RAB3B: variants seen among roughly 807,000 people sequenced by gnomAD.
The protein encoded by RAB3B is ras-related protein Rab-3B.
In RAB3B, 11 loss-of-function variants were observed where a neutral mutation model predicts 20.5. The observed-to-expected ratio is 0.54, with a 90% CI of 0.34 to 0.89. The LOEUF is 0.89. Ranked by LOEUF, RAB3B falls within the 40% of genes least tolerant of loss-of-function variation. The pLI is 0.02. For missense variants in RAB3B, 225 were observed against 280.9 expected (o/e 0.80, Z 1.42); for synonymous variants, 99 against 106.3 (o/e 0.93, Z 0.42).
intron 1 of RAB3B, among the ~76,000 whole-genome samples, chr1:51,989,208 TTGTGTGTGTGTGTG>T (rs60661761): frequency 1.9e-4 from 19 of 99,866 alleles, no homozygotes; most frequent in South Asian, 4.0e-4. Flanking sequence ...CCATCTTGTT[TTGTGTGTGTGTGTG>T]TGTGTGTGTG....
chr1:51,957,915 G>A (rs1057481165), intron 2 of RAB3B, among the ~76,000 whole-genome samples: 1 of 152,204 alleles, frequency 6.6e-6, no homozygotes, highest in Non-Finnish European at 1.5e-5. Context: ...CACACCGGTG[G>A]GGGAGGCCGG....
rs1490146464 is a variant in RAB3B at position 51,916,218 on chromosome 1, G to A, written c.*3709C>T. ...GAGCTGCCATCTCACAAGCAGGTCT[G>A]GTTGTCTGTTGCCCAGTAGACAAGC... On this transcript the variant is annotated 3_prime_UTR_variant, in exon 5 of 5. Transcript: ENST00000371655. 1 of 152,200 alleles carries A rather than the reference G, an allele frequency of 6.6e-6. No homozygotes were observed. The highest frequency in any genetic ancestry group is 1.5e-5 in the Non-Finnish European group (1 of 68,034). The allele number at this position is 152,200 out of a possible 1,614,324, so 9.4% of individuals were successfully genotyped here.
At chr1:51,950,982 A>G (rs895841780) in intron 2 of RAB3B, among the ~76,000 whole-genome samples, 2 of 152,168 alleles carry the variant, frequency 1.3e-5, no homozygotes, top group Non-Finnish European at 2.9e-5. Context: ...CAGAGGACTG[A>G]AAGTGGTAAA....
intron 3 of RAB3B, 75 bp downstream of exon 3, chr1:51,937,219 A>G: frequency 8.4e-7 from 1 of 1,190,302 alleles, no homozygotes; most frequent in Non-Finnish European, 1.2e-6. Context: ...TCCCCAGCAC[A>G]CAATACAGGA....
intron 2 of RAB3B, among the ~76,000 whole-genome samples, chr1:51,944,052 C>T (rs2124266413): frequency 6.6e-6 from 1 of 152,314 alleles, no homozygotes; most frequent in East Asian, 1.9e-4. Context: ...AAGTCAATGC[C>T]TGACTTCAAA....
At chr1:51,988,978 A>G (rs912084841) in intron 1 of RAB3B, among the ~76,000 whole-genome samples, 3 of 151,280 alleles carry the variant, frequency 2.0e-5, no homozygotes, top group African/African-American at 2.4e-5. Context: ...CTCCCCCAAA[A>G]TGCTTCTTCT....
intron 2 of RAB3B, among the ~76,000 whole-genome samples, chr1:51,940,135 GTC>G (rs1267234148): frequency 1.3e-5 from 2 of 152,152 alleles, no homozygotes; most frequent in African/African-American, 4.8e-5. Context: ...GAACTAATCT[GTC>G]TCTCTCCTGC....
intron 1 of RAB3B, among the ~76,000 whole-genome samples, chr1:51,977,925 C>T (rs1383748987): frequency 1.3e-5 from 2 of 152,204 alleles, no homozygotes; most frequent in Non-Finnish European, 2.9e-5. Flanking sequence ...TAAACTTTAT[C>T]TTCCCATACC....
chr1:51,976,944 G>A lies in RAB3B; in HGVS notation c.174C>T (p.Asp58=), dbSNP rs1330235842. The change falls in exon 2 of 5, where the codon GAC becomes GAT. Residue 58 remains aspartate, a synonymous_variant. Coordinates refer to ENST00000371655, the MANE Select transcript of RAB3B (RefSeq NM_002867.4). ...TPAFVSTVGI[D]FKVKTVYRHE... is the part of the protein sequence containing the mutation. ...GACGGTAGACTGTCTTCACCTTGAA[G>A]TCGATGCCCACGGTGCTAACGAAGG... is the stretch of plus-strand genomic sequence containing the variant. The A allele has an allele frequency of 1.9e-6, 3 of 1,614,250 alleles. No individual in the cohort carries two copies. The highest frequency in any genetic ancestry group is 1.1e-5 in the South Asian group (1 of 91,086).
intron 2 of RAB3B, among the ~76,000 whole-genome samples, chr1:51,975,008 G>A (rs1253619243): frequency 1.3e-5 from 2 of 152,196 alleles, no homozygotes; most frequent in African/African-American, 4.8e-5. Context: ...GAGGTCAGGA[G>A]TTCAAGATCA....
At chr1:51,923,193 G>C (rs1288719045) in intron 4 of RAB3B, among the ~76,000 whole-genome samples, 1 of 152,208 alleles carries the variant, frequency 6.6e-6, no homozygotes, top group Non-Finnish European at 1.5e-5. Flanking sequence ...GCAAGGGTTA[G>C]CACTTGTAAT....
chr1:51,978,130 A>G (rs980810482), intron 1 of RAB3B, among the ~76,000 whole-genome samples: 6 of 152,204 alleles, frequency 3.9e-5, no homozygotes, highest in Non-Finnish European at 7.4e-5. Flanking sequence ...GAACACTGTA[A>G]CAGCCCTTGT....
At chr1:51,944,762 T>G (rs191825775) in intron 2 of RAB3B, among the ~76,000 whole-genome samples, 1 of 152,202 alleles carries the variant, frequency 6.6e-6, no homozygotes, top group Non-Finnish European at 1.5e-5. Flanking sequence ...TTCTTACAGA[T>G]GAGCGAAGAA....
Position 51,980,759 on chromosome 1 carries a change from C to A in RAB3B, c.1-3642G>T, listed in dbSNP as rs1018296790. ...TCTCATGAAGCCCGCAAGGACCAAACACCCCCACCCTGATTTAGACCTGTA... is the reference window on the plus strand; with the variant it reads ...TCTCATGAAGCCCGCAAGGACCAAAAACCCCCACCCTGATTTAGACCTGTA... On this transcript the variant is annotated intron_variant, in intron 1 of 4. Coordinates refer to ENST00000371655, the MANE Select transcript of RAB3B (RefSeq NM_002867.4). 4.0e-6 allele frequency: 3 copies of A among 754,632 alleles called. No individual in the cohort carries two copies. The Admixed American group carries it at 5.1e-5, about 13-fold the overall frequency. 46.7% of individuals were successfully genotyped at this position (754,632 alleles called of 1,614,324 possible).
At chr1:51,971,554 T>G (rs1242015349) in intron 2 of RAB3B, among the ~76,000 whole-genome samples, 1 of 151,438 alleles carries the variant, frequency 6.6e-6, no homozygotes, top group East Asian at 2.0e-4. Context: ...TGCATCACCC[T>G]CCTGAGTATC....
chr1:51,953,857 G>A (rs541449863), intron 2 of RAB3B, among the ~76,000 whole-genome samples: 48 of 152,238 alleles, frequency 3.2e-4, no homozygotes, highest in African/African-American at 1.1e-3. Flanking sequence ...TGATTTATTC[G>A]ATAAATAATC....
At chr1:51,983,592 T>C (rs539565549) in intron 1 of RAB3B, among the ~76,000 whole-genome samples, 59 of 152,250 alleles carry the variant, frequency 3.9e-4, no homozygotes, top group African/African-American at 1.3e-3. Context: ...TCAGAACATA[T>C]CCTTGTCATT....
intron 1 of RAB3B, among the ~76,000 whole-genome samples, chr1:51,985,666 A>G (rs1041911170): frequency 3.3e-5 from 5 of 152,180 alleles, no homozygotes; most frequent in African/African-American, 7.2e-5. Flanking sequence ...ATTTTAAATA[A>G]GAGAACGTAT....
intron 4 of RAB3B, among the ~76,000 whole-genome samples, chr1:51,927,671 C>T (rs1487673015): frequency 6.6e-6 from 1 of 152,150 alleles, no homozygotes; most frequent in South Asian, 2.1e-4. Context: ...GTGGTGCATG[C>T]CTGTAATCCC....
Sources: allele counts gnomAD v4.1 joint callset (sites outside exome capture counted in the v4.1 genomes callset), GRCh38; gene constraint gnomAD v4.1.1; transcripts MANE v1.5; gene names NCBI Gene and HGNC (gene_info 2026-07-23, HGNC 2026-07-21).